Variants in MPI observed in about 807,000 individuals in gnomAD.
MPI encodes mannose-6-phosphate isomerase.
In MPI, 33 loss-of-function variants were observed where a neutral mutation model predicts 40.1. That is an observed-to-expected ratio of 0.82 (90% confidence interval 0.62 to 1.10). The LOEUF (loss-of-function observed/expected upper bound fraction) is 1.10. MPI is among the 50% of genes least tolerant of loss of function. The pLI, the probability that MPI is intolerant of heterozygous loss-of-function variation, is 0.00. For missense variants in MPI, 514 were observed against 524.1 expected, an observed-to-expected ratio of 0.98 and a Z score of 0.19; for synonymous variants, 187 against 207.4, an observed-to-expected ratio of 0.90 and a Z score of 0.85.
rs2064928847 is a variant in MPI at position 74,900,935 on chromosome 15, T to C, written c.*3205T>C. On this transcript the variant is annotated 3_prime_UTR_variant, in exon 8 of 8. Coordinates refer to ENST00000352410, the MANE Select transcript of MPI (RefSeq NM_002435.3). ...CCATCAGGCACTCACAGGATTACCATCGTAAGGATGGTTGTCAGACAAATA... is the reference window on the plus strand; with the variant it reads ...CCATCAGGCACTCACAGGATTACCACCGTAAGGATGGTTGTCAGACAAATA... 6.6e-6 allele frequency: 1 copy of C among 152,200 alleles called. No individual in the cohort carries two copies. Among genetic ancestry groups the C allele is most frequent in the African/African-American group, 2.4e-5 (1 of 41,436 alleles). 9.4% of individuals were successfully genotyped at this position (152,200 alleles called of 1,614,324 possible).
rs757990859 is a variant in MPI at position 74,891,394 on chromosome 15, C to T, written c.160C>T (p.His54Tyr). The T allele has an allele frequency of 6.2e-7, 1 of 1,614,154 alleles. No homozygotes were observed. The highest frequency in any genetic ancestry group is 1.3e-5 in the African/African-American group (1 of 75,060). Reference protein sequence around the residue: ...KPYAELWMGTHPRGDAKILDN... With the variant: ...KPYAELWMGTYPRGDAKILDN... ...GTCTTTCCAGTTGTGGATGGGGACT[C>T]ACCCCCGAGGGGATGCCAAGATCCT... Residue 54 changes from histidine to tyrosine, a missense_variant, in exon 3 of 8, where the codon CAC (histidine) becomes TAC (tyrosine). Physicochemically the swap from His to Tyr is moderately conservative, Grantham distance 83. Transcript: ENST00000352410.
chr15:74,890,372 G>A, intron 1 of MPI, 155 bp from the exon 2 acceptor site: 3 of 1,000,482 alleles, frequency 3.0e-6, no homozygotes, highest in Admixed American at 2.0e-5. Flanking sequence ...TGGGAACATC[G>A]AGGCCTGCAG....
chr15:74,890,320 C>T (rs946947133), intron 1 of MPI: 55 of 848,738 alleles, frequency 6.5e-5, no homozygotes, highest in South Asian at 9.3e-5. Context: ...GCCACCCTGC[C>T]TCAGATCAGC....
chr15:74,890,280 C>T (rs2064704317), intron 1 of MPI, 191 bp downstream of exon 1: 1 of 927,750 alleles, frequency 1.1e-6, no homozygotes, highest in Non-Finnish European at 1.7e-6. Context: ...GACGTCGTGC[C>T]GTGGGATAGG....
At position 74,897,711 on chromosome 15, in the gene MPI, G is replaced by A. The variant is rs863225087; in HGVS notation, c.1253G>A (p.Arg418His). The A allele has an allele frequency of 4.3e-6, 7 of 1,613,910 alleles. No individual in the cohort carries two copies. The highest frequency in any genetic ancestry group is 2.7e-5 in the African/African-American group (2 of 74,884). The change falls in exon 8 of 8, where the codon CGT becomes CAT. Residue 418 changes from arginine to histidine, a missense_variant. Arg to His is a conservative substitution (Grantham distance 29, BLOSUM62 0). Transcript: ENST00000352410. ...GAGCCGAAGGACCTGCTGATATTCC[G>A]TGCCTGCTGTCTGCTGTAAAGGCTG... ...LTEPKDLLIF[R>H]ACCLL
In MPI at chr15:74,891,458, T is replaced by C; in HGVS notation, c.224T>C (p.Ile75Thr). Residue 75 changes from isoleucine (I) to threonine (T), a missense_variant, in exon 3 of 8, where the codon ATT (isoleucine) becomes ACT (threonine). Coordinates refer to ENST00000352410, the MANE Select transcript of MPI (RefSeq NM_002435.3). ...RISQKTLSQW[I>T]AENQDSLGSK... ...TCACAGAAGACCCTAAGCCAGTGGA[T>C]TGCTGAGAACCAGGACAGCTTGGGC... 6.2e-7 allele frequency: 1 copy of C among 1,614,180 alleles called. No individual in the cohort carries two copies. The highest frequency in any genetic ancestry group is 8.5e-7 in the Non-Finnish European group (1 of 1,180,034).
chr15:74,893,110 A>G (rs2064750925), intron 4 of MPI, 28 bp from the exon 5 acceptor site: 1 of 1,613,020 alleles, frequency 6.2e-7, no homozygotes, highest in Non-Finnish European at 8.5e-7. Context: ...CATTCCTGAT[A>G]TGGGCCCTGG....
In MPI at chr15:74,896,171, G is replaced by A; in HGVS notation, c.690G>A (p.Met230Ile). Residue 230 changes from methionine to isoleucine, a missense_variant, in exon 6 of 8, where the codon ATG (methionine) becomes ATA (isoleucine). Met to Ile is a conservative substitution (Grantham distance 10, BLOSUM62 1). Transcript: ENST00000352410. ...CCTCAGCGGCTGCCGGAAACAACAT[G>A]GAGGACATCTTTGGGGAGCTTTTGC... Reference protein sequence around the residue: ...ISQQAAAGNNMEDIFGELLLQ... With the variant: ...ISQQAAAGNNIEDIFGELLLQ... 2.5e-6 allele frequency: 4 copies of A among 1,614,156 alleles called. No homozygotes were observed. The highest frequency in any genetic ancestry group is 3.4e-6 in the Non-Finnish European group (4 of 1,180,030).
At chr15:74,897,350 C>A in intron 7 of MPI, 131 bp downstream of exon 7, 1 of 1,320,100 alleles carries the variant, frequency 7.6e-7, no homozygotes, top group Non-Finnish European at 1.1e-6. Context: ...CAGGGCCTGC[C>A]CATTCCTTCC....
rs1420681922 is a variant in MPI, at chr15:74,890,106, G to A, written c.16+17G>A. The A allele has an allele frequency of 6.2e-7, 1 of 1,607,958 alleles. No individual in the cohort carries two copies. The highest frequency in any genetic ancestry group is 8.5e-7 in the Non-Finnish European group (1 of 1,179,946). ...CTCCGCGAGGTGAGCCATTGGCTGG[G>A]GTGTCGGCGAGTGTGTTCGTGGAGC... On this transcript the variant is annotated intron_variant, in intron 1 of 7. Coordinates refer to ENST00000352410, the MANE Select transcript of MPI (RefSeq NM_002435.3).
At chr15:74,894,104 G>T (rs370747811) in intron 5 of MPI, among the ~76,000 whole-genome samples, 939 of 25,250 alleles carry the variant, frequency 0.037, 177 homozygotes, top group East Asian at 0.17. Context: ...GTGTGTGTGT[G>T]TGTGGTCTCT....
At chr15:74,893,029 G>C in intron 4 of MPI, 109 bp from the exon 5 acceptor site, 1 of 1,460,688 alleles carries the variant, frequency 6.8e-7, no homozygotes, top group African/African-American at 1.4e-5. Context: ...ACTTAGCATT[G>C]CCGGCTCTTT....
In MPI at chr15:74,896,153, G is replaced by T; in HGVS notation, c.672G>T (p.Ala224=). ...CTTGGGGTGCTCTGTGACCCTCAGC[G>T]GCTGCCGGAAACAACATGGAGGACA... ...NLLVKRISQQ[A]AAGNNMEDIF... is the part of the protein sequence containing the mutation. Residue 224 remains alanine, a splice_region_variant and synonymous_variant, in exon 6 of 8, where the codon GCG becomes GCT. Transcript: ENST00000352410. 1 of 1,613,986 alleles carries T rather than the reference G, an allele frequency of 6.2e-7. No individual in the cohort carries two copies. Among genetic ancestry groups the T allele is most frequent in the South Asian group, 1.1e-5 (1 of 91,078 alleles).
Position 74,891,553 on chromosome 15 carries a change from C to T in MPI, c.319C>T (p.Leu107=), listed in dbSNP as rs2064727157. The change falls in exon 3 of 8, where the codon CTG becomes TTG. Residue 107 remains leucine, a synonymous_variant. Coordinates refer to ENST00000352410, the MANE Select transcript of MPI (RefSeq NM_002435.3). ...CAAAGTGCTCTCAGTTGAAACACCC[C>T]TGTCCATCCAGGCACACCCTAACAA... ...LFKVLSVETP[L]SIQAHPNKEL... is the part of the protein sequence containing the mutation. 4 of 1,614,184 alleles carry T rather than the reference C, an allele frequency of 2.5e-6. No homozygotes were observed. The highest frequency in any genetic ancestry group is 2.5e-6 in the Non-Finnish European group (3 of 1,180,028).
At chr15:74,896,115 C>T (rs2064813544) in intron 5 of MPI, 37 bp from the exon 6 acceptor site, 1 of 1,611,256 alleles carries the variant, frequency 6.2e-7, no homozygotes, top group East Asian at 2.2e-5. Flanking sequence ...CACTGAGTAT[C>T]CCCCTAAGTG....
chr15:74,890,977 A>G (rs777748172), intron 2 of MPI: 1 of 567,234 alleles, frequency 1.8e-6, no homozygotes, highest in Non-Finnish European at 3.3e-6. Context: ...CTGCCTATTT[A>G]GTGGAGAAAA....
At chr15:74,895,920 T>C in intron 5 of MPI, 1 of 578,802 alleles carries the variant, frequency 1.7e-6, no homozygotes. Context: ...GCTAGTATAG[T>C]CCTGGGCATA....
chr15:74,896,395 GA>G lies in MPI; in HGVS notation c.844+72del, dbSNP rs1252676557. 3 of 1,582,424 alleles carry G rather than the reference GA, an allele frequency of 1.9e-6. No homozygotes were observed. The South Asian group carries it at 3.3e-5, about 18-fold the overall frequency. ...GCCCTGTTTCCCTATCTGGACAAAG[GA>G]AGGAGAAGGGTGGTCAAGGAGACCC... On this transcript the variant is annotated intron_variant, in intron 6 of 7. Coordinates refer to ENST00000352410, the MANE Select transcript of MPI (RefSeq NM_002435.3).
chr15:74,895,899 C>T (rs1335581772), intron 5 of MPI: 4 of 533,952 alleles, frequency 7.5e-6, no homozygotes, highest in Non-Finnish European at 1.4e-5. Flanking sequence ...CATACTCTAG[C>T]TCTTTTAGTG....
Sources: gnomAD v4.1 joint callset for allele counts (sites outside exome capture counted in the v4.1 genomes callset) on GRCh38, gnomAD v4.1.1 for gene constraint, MANE v1.5 for transcripts, NCBI Gene and HGNC (gene_info 2026-07-23, HGNC 2026-07-21) for gene names.